Variants in TMEM135 observed in about 807,000 individuals in gnomAD.
The protein encoded by TMEM135 is peroxisomal membrane protein 52.
A neutral mutation model predicts 60.3 loss-of-function variants in TMEM135; 30 were observed. The ratio of observed to expected loss-of-function variants is 0.50; its 90% CI spans 0.37 to 0.68. The LOEUF is 0.68. TMEM135 is among the 30% of genes least tolerant of loss of function. TMEM135 has a pLI of 0.00. For missense variants in TMEM135, 468 were observed against 548.8 expected, an observed-to-expected ratio of 0.85 and a Z score of 1.47; for synonymous variants, 190 against 186.7, an observed-to-expected ratio of 1.02 and a Z score of -0.14.
chr11:87,319,409 T>TTCC lies in TMEM135; in HGVS notation c.1244+32_1244+33insTCC, dbSNP rs758202805. The TTCC allele has an allele frequency of 6.2e-5, 92 of 1,480,116 alleles. No individual in the cohort carries two copies. In the African/African-American group the frequency reaches 1.1e-3, roughly 18 times the overall value. The allele number at this position is 1,480,116 out of a possible 1,614,324, so 91.7% of individuals were successfully genotyped here. On this transcript the variant is annotated intron_variant, in intron 14 of 14. Coordinates refer to ENST00000305494, the MANE Select transcript of TMEM135 (RefSeq NM_022918.4). ...GACTACGTAGTTTTCTTAAAAATAT[T>TTCC]ATGAGTGGTTTTATCTTTTTGAGGG...
At chr11:87,069,848 T>G (rs1006841945) in intron 2 of TMEM135, among the ~76,000 whole-genome samples, 14 of 152,182 alleles carry the variant, frequency 9.2e-5, no homozygotes, top group African/African-American at 3.4e-4. Flanking sequence ...ATAGCTTTTC[T>G]AATCTTTTTG....
At chr11:87,170,560 G>T (rs1256411135) in intron 5 of TMEM135, among the ~76,000 whole-genome samples, 3 of 152,142 alleles carry the variant, frequency 2.0e-5, no homozygotes, top group African/African-American at 7.2e-5. Flanking sequence ...CTGCAGGTCT[G>T]TTGGAGTTTG....
chr11:87,052,942 A>C (rs11234928), intron 1 of TMEM135, among the ~76,000 whole-genome samples: 9,648 of 89,580 alleles, frequency 0.11, 465 homozygotes, highest in Middle Eastern at 0.12. Flanking sequence ...AGACTGGATT[A>C]AGAAAATGTG....
intron 5 of TMEM135, among the ~76,000 whole-genome samples, chr11:87,191,009 C>T (rs1172222420): frequency 6.6e-6 from 1 of 152,140 alleles, no homozygotes; most frequent in Non-Finnish European, 1.5e-5. Flanking sequence ...TAATTTGCAA[C>T]ATAGGTTCTT....
intron 3 of TMEM135, among the ~76,000 whole-genome samples, chr11:87,076,987 T>C (rs1701231801): frequency 6.6e-6 from 1 of 152,218 alleles, no homozygotes; most frequent in Admixed American, 6.5e-5. Context: ...CTTCATTCAG[T>C]ATTCACTAAT....
intron 5 of TMEM135, among the ~76,000 whole-genome samples, chr11:87,203,032 C>CAAAAAAAAAAAAAAAAAA (rs534909524): frequency 1.5e-4 from 5 of 33,592 alleles, no homozygotes; most frequent in African/African-American, 4.4e-4. Context: ...GACTCCGTCT[C>CAAAAAAAAAAAAAAAAAA]AAAAAAAAAA....
chr11:87,088,628 C>G (rs903228164), intron 3 of TMEM135, among the ~76,000 whole-genome samples: 7 of 152,214 alleles, frequency 4.6e-5, no homozygotes, highest in African/African-American at 1.7e-4. Context: ...ATTCAGTTAA[C>G]TCTTGTCCTG....
chr11:87,245,422 C>T (rs1364804714), intron 6 of TMEM135, among the ~76,000 whole-genome samples: 2 of 103,816 alleles, frequency 1.9e-5, no homozygotes, highest in Non-Finnish European at 2.2e-5. Context: ...CTTTCTGACT[C>T]GCTGATCTGT....
chr11:87,065,678 A>G (rs2135133941), intron 1 of TMEM135, among the ~76,000 whole-genome samples: 1 of 152,290 alleles, frequency 6.6e-6, no homozygotes, highest in African/African-American at 2.4e-5. Flanking sequence ...GATGAAGTTC[A>G]GTTTATCAAT....
At chr11:87,040,662 CAAA>C (rs199617777) in intron 1 of TMEM135, among the ~76,000 whole-genome samples, 1 of 114,970 alleles carries the variant, frequency 8.7e-6, no homozygotes. Flanking sequence ...AACTCCATCA[CAAA>C]AAAAAAAAAA....
rs1458520662 is a variant in TMEM135 at position 87,318,249 on chromosome 11, T to C, written c.1176+14T>C. 5 of 1,561,822 alleles carry C rather than the reference T, an allele frequency of 3.2e-6. No individual in the cohort carries two copies. Among genetic ancestry groups the C allele is most frequent in the Non-Finnish European group, 3.5e-6 (4 of 1,135,162 alleles). ...TGCTTCCAGGCAGTAAGTATAACTTTTTGAAATGAGAAATTGAATGATTCC... is the reference window on the plus strand; with the variant it reads ...TGCTTCCAGGCAGTAAGTATAACTTCTTGAAATGAGAAATTGAATGATTCC... On this transcript the variant is annotated intron_variant, in intron 13 of 14. Transcript: ENST00000305494.
At chr11:87,136,305 A>G (rs908604489) in intron 4 of TMEM135, among the ~76,000 whole-genome samples, 1 of 152,026 alleles carries the variant, frequency 6.6e-6, no homozygotes, top group Non-Finnish European at 1.5e-5. Context: ...TTTTAGCTTA[A>G]TATAGTGAAT....
intron 5 of TMEM135, among the ~76,000 whole-genome samples, chr11:87,205,507 A>T (rs1161522796): frequency 6.6e-6 from 1 of 152,222 alleles, no homozygotes; most frequent in Non-Finnish European, 1.5e-5. Flanking sequence ...CAAAACTCAT[A>T]GTTGAGCAGG....
chr11:87,053,233 G>A (rs1019894562), intron 1 of TMEM135, among the ~76,000 whole-genome samples: 2 of 151,020 alleles, frequency 1.3e-5, no homozygotes, highest in Non-Finnish European at 2.9e-5. Context: ...TACATAAAAG[G>A]TAACTCTTGT....
chr11:87,112,393 G>GT (rs35243492), intron 4 of TMEM135, among the ~76,000 whole-genome samples: 83,450 of 151,938 alleles, frequency 0.55, 23,738 homozygotes, highest in East Asian at 0.71. Context: ...ACTGTGTTCT[G>GT]TAGCTCTCTG....
chr11:87,236,581 A>G, intron 5 of TMEM135, 57 bp from the exon 6 acceptor site: 1 of 1,502,256 alleles, frequency 6.7e-7, no homozygotes, highest in Non-Finnish European at 9.3e-7. Context: ...TTTATGAGTC[A>G]CTCAAATGGT....
chr11:87,213,983 A>T (rs1245997559), intron 5 of TMEM135, among the ~76,000 whole-genome samples: 1 of 152,228 alleles, frequency 6.6e-6, no homozygotes, highest in African/African-American at 2.4e-5. Flanking sequence ...TTCCTTTAAC[A>T]TTCCACAGTG....
Position 87,243,793 on chromosome 11 carries a change from A to C in TMEM135, c.509+7109A>C, listed in dbSNP as rs76943511. Among the ~76,000 whole-genome samples the C allele has an allele frequency of 1.1e-4, 7 of 63,994 alleles. 1 individual carries two copies. The highest frequency in any genetic ancestry group is 5.1e-4 in the South Asian group (1 of 1,980). 42.0% of individuals were successfully genotyped at this position (63,994 alleles called of 152,430 possible). On this transcript the variant is annotated intron_variant, in intron 6 of 14. Transcript: ENST00000305494. ...TCTAGATATACAATCATGTCATCTC[A>C]AAACAGGGACAATTTGACTTCCTCT...
At chr11:87,069,348 G>A (rs1565427888) in intron 2 of TMEM135, among the ~76,000 whole-genome samples, 2 of 148,496 alleles carry the variant, frequency 1.3e-5, no homozygotes, top group African/African-American at 2.5e-5. Flanking sequence ...TAAAAAAATT[G>A]CAGTTAAGTA....
Sources: gnomAD v4.1 joint callset for allele counts (sites outside exome capture counted in the v4.1 genomes callset) on GRCh38, gnomAD v4.1.1 for gene constraint, MANE v1.5 for transcripts, NCBI Gene and HGNC (gene_info 2026-07-23, HGNC 2026-07-21) for gene names.